The following CPEB2 variants were observed in gnomAD, a reference collection of about 807,000 sequenced individuals.
CPEB2 encodes cytoplasmic polyadenylation element-binding protein 2.
A neutral mutation model predicts 93.6 loss-of-function variants in CPEB2; 56 were observed. That is an observed-to-expected ratio of 0.60 (90% CI 0.48 to 0.75). The LOEUF (loss-of-function observed/expected upper bound fraction) is 0.75, where lower values mean the gene tolerates loss of function less well. Ranked by LOEUF, CPEB2 falls within the 30% of genes least tolerant of loss-of-function variation. CPEB2 has a pLI of 0.00. For synonymous variants in CPEB2, 764 were observed against 586.3 expected, an observed-to-expected ratio of 1.30 and a Z score of -4.38; for missense variants, 1,579 against 1,395.1, an observed-to-expected ratio of 1.13 and a Z score of -2.10.
chr4:15,008,703 ATCAG>A (rs544258210), intron 3 of CPEB2, among the ~76,000 whole-genome samples: 8 of 152,338 alleles, frequency 5.3e-5, no homozygotes, highest in African/African-American at 1.2e-4. Flanking sequence ...GACTTTAAAC[ATCAG>A]TCAAACTAAG....
chr4:15,057,133 A>G (rs1728785191), intron 8 of CPEB2, among the ~76,000 whole-genome samples: 1 of 152,082 alleles, frequency 6.6e-6, no homozygotes, highest in South Asian at 2.1e-4. Context: ...ATTTTGTATC[A>G]AAATTAAAGC....
At chr4:15,033,272 T>C in intron 5 of CPEB2, 61 bp downstream of exon 5, 1 of 1,058,696 alleles carries the variant, frequency 9.4e-7, no homozygotes, top group Non-Finnish European at 1.5e-6. Context: ...ATTTAATACA[T>C]GTTTCTCTGA....
intron 4 of CPEB2, among the ~76,000 whole-genome samples, chr4:15,023,819 T>G (rs185853676): frequency 6.6e-4 from 100 of 152,016 alleles, no homozygotes; most frequent in Middle Eastern, 6.8e-3. Context: ...TTCCTACATT[T>G]TAGGTGTTGT....
intron 4 of CPEB2, among the ~76,000 whole-genome samples, chr4:15,020,971 G>A (rs1724740074): frequency 2.0e-5 from 3 of 152,120 alleles, no homozygotes. Context: ...TGGAAAAATT[G>A]GGAGAAAGTG....
At position 15,003,034 on chromosome 4, in the gene CPEB2, C is replaced by T; in HGVS notation, c.361C>T (p.His121Tyr). Residue 121 changes from histidine (H) to tyrosine (Y), a missense_variant, in exon 1 of 12, where the codon CAC becomes TAC. His to Tyr is a moderately conservative substitution (Grantham distance 83). Around this residue, in one of 2 missense-constraint regions of CPEB2, gnomAD observed 1,411 missense variants for 1,056.0 expected, o/e 1.34. Transcript: ENST00000538197. ...GGCGGCCACGGAGAAACTCCCCGAC[C>T]ACCACCCCGGCGGCGGCACGATCGC... ...GAAATEKLPD[H>Y]HPGGGTIAGV... 1.3e-6 allele frequency: 2 copies of T among 1,506,236 alleles called. No homozygotes were observed. Among genetic ancestry groups the T allele is most frequent in the Admixed American group, 2.3e-5 (1 of 42,678 alleles). The allele number at this position is 1,506,236 out of a possible 1,614,324, so 93.3% of individuals were successfully genotyped here. A position where few individuals can be genotyped will look rare whatever the true frequency, so the allele number is the denominator to read the frequency against.
chr4:15,024,682 C>G (rs1458487012), intron 4 of CPEB2, among the ~76,000 whole-genome samples: 1 of 151,104 alleles, frequency 6.6e-6, no homozygotes, highest in African/African-American at 2.4e-5. Flanking sequence ...TCATTGGACC[C>G]TTTTAATTCA....
At position 15,003,829 on chromosome 4, in the gene CPEB2, C is replaced by T; in HGVS notation, c.1156C>T (p.Gln386Ter). Residue 386 changes from glutamine to a stop codon, truncating the protein, a stop_gained, in exon 1 of 12, where the codon CAG becomes TAG. Transcript: ENST00000538197. LOFTEE classifies it high-confidence loss of function. ...CGGCTTCGGCACCCCCTGGTCGGTGCAGACCGCGTCGCCGCCACCCCAGCC... is the reference window on the plus strand; with the variant it reads ...CGGCTTCGGCACCCCCTGGTCGGTGTAGACCGCGTCGCCGCCACCCCAGCC... The part of the protein sequence containing the change: ...LPGFGTPWSV[Q>*]TASPPPQPQQ... 1 of 941,020 alleles carries T rather than the reference C, an allele frequency of 1.1e-6. No individual in the cohort carries two copies. Among genetic ancestry groups the T allele is most frequent in the Non-Finnish European group, 1.4e-6 (1 of 719,788 alleles). 58.3% of individuals were successfully genotyped at this position (941,020 alleles called of 1,614,324 possible). A position where few individuals can be genotyped will look rare whatever the true frequency, so the allele number is the denominator to read the frequency against.
chr4:15,017,096 T>A (rs1377216065), intron 3 of CPEB2, 92 bp from the exon 4 acceptor site: 1 of 696,804 alleles, frequency 1.4e-6, no homozygotes, highest in Non-Finnish European at 2.5e-6. Context: ...TCAGAAGTCC[T>A]ATTTTATGTA....
At chr4:15,016,041 C>G (rs1724098303) in intron 3 of CPEB2, among the ~76,000 whole-genome samples, 1 of 152,026 alleles carries the variant, frequency 6.6e-6, no homozygotes, top group Admixed American at 6.6e-5. Context: ...CATATAATCT[C>G]AGAGACTTCT....
rs73226795 is a variant in CPEB2 at position 15,049,401 on chromosome 4, T to C, written c.2201-3013T>C. On this transcript the variant is annotated intron_variant, in intron 6 of 11. Coordinates refer to ENST00000538197, the MANE Select transcript of CPEB2 (RefSeq NM_001177382.2). ...TAGGGCATTTTAAAGTGAAAAACTT[T>C]CCAAAGTATTGTACATCTGAAATAA... Among the ~76,000 whole-genome samples the C allele has an allele frequency of 6.8e-3, 1,033 of 152,248 alleles. 7 individuals carry two copies. The highest frequency in any genetic ancestry group is 9.3e-3 in the Non-Finnish European group (630 of 67,974).
Position 15,028,900 on chromosome 4 carries a change from G to A in CPEB2, c.2126-4261G>A, listed in dbSNP as rs371818369. On this transcript the variant is annotated intron_variant, in intron 4 of 11. Coordinates refer to ENST00000538197, the MANE Select transcript of CPEB2 (RefSeq NM_001177382.2). ...AAGAAGTGATAAGTTTTATACAGTT[G>A]TCATATTTCTTAGTATTTTTAGTTG... Among the ~76,000 whole-genome samples the A allele has an allele frequency of 2.6e-3, 390 of 152,204 alleles. 2 individuals carry two copies. The highest frequency in any genetic ancestry group is 8.8e-3 in the African/African-American group (364 of 41,532).
rs752765129 is a variant in CPEB2 at position 15,007,386 on chromosome 4, G to A, written c.1744G>A (p.Gly582Ser). ...TGSMSWGAMHGRDHRRTGNMG... is the reference protein window; with the variant it reads ...TGSMSWGAMHSRDHRRTGNMG... ...AAGTATGTCCTGGGGAGCAATGCATGGCAGAGATCATCGTAGAACCGGAAA... is the reference window on the plus strand; with the variant it reads ...AAGTATGTCCTGGGGAGCAATGCATAGCAGAGATCATCGTAGAACCGGAAA... The change falls in exon 2 of 12, where the codon GGC (glycine) becomes AGC (serine). Residue 582 changes from glycine to serine, a missense_variant. Coordinates refer to ENST00000538197, the MANE Select transcript of CPEB2 (RefSeq NM_001177382.2). The A allele has an allele frequency of 6.2e-7, 1 of 1,613,604 alleles. No homozygotes were observed. Among genetic ancestry groups the A allele is most frequent in the Admixed American group, 1.7e-5 (1 of 59,972 alleles).
At chr4:15,007,039 TA>T (rs1317689437) in intron 1 of CPEB2, among the ~76,000 whole-genome samples, 5 of 152,214 alleles carry the variant, frequency 3.3e-5, no homozygotes, top group Non-Finnish European at 4.4e-5. Flanking sequence ...CTCTGAAGGA[TA>T]AAAAGGAACT....
Position 15,059,313 on chromosome 4 carries a change from G to A in CPEB2, c.2695+12G>A. ...GCCATTAAGGGCTGGTAAGTAGAAT[G>A]TTAACAATTTTGTTTAAAAAAATCA... is the stretch of plus-strand genomic sequence containing the variant. On this transcript the variant is annotated intron_variant, in intron 10 of 11. Coordinates refer to ENST00000538197, the MANE Select transcript of CPEB2 (RefSeq NM_001177382.2). The A allele has an allele frequency of 6.6e-7, 1 of 1,517,336 alleles. No individual in the cohort carries two copies. The highest frequency in any genetic ancestry group is 9.1e-7 in the Non-Finnish European group (1 of 1,099,536). 94.0% of individuals were successfully genotyped at this position (1,517,336 alleles called of 1,614,324 possible).
intron 3 of CPEB2, 55 bp from the exon 4 acceptor site, chr4:15,017,133 C>G (rs543355824): frequency 1.1e-6 from 1 of 943,654 alleles, no homozygotes. Flanking sequence ...GTTTTATAAT[C>G]GCTTTTTGAA....
chr4:15,052,732 T>A (rs1043172040), intron 7 of CPEB2, 148 bp downstream of exon 7: 36 of 452,690 alleles, frequency 8.0e-5, no homozygotes, highest in Non-Finnish European at 1.1e-4. Flanking sequence ...AAATACTTTA[T>A]CACCTGTTGA....
chr4:15,003,332 A>G lies in CPEB2; in HGVS notation c.659A>G (p.Gln220Arg). 7.1e-7 allele frequency: 1 copy of G among 1,404,212 alleles called. No homozygotes were observed. The highest frequency in any genetic ancestry group is 9.1e-7 in the Non-Finnish European group (1 of 1,093,190). The allele number at this position is 1,404,212 out of a possible 1,614,324, so 87.0% of individuals were successfully genotyped here. Reference protein sequence around the residue: ...PPPPPAGPLLQPAQLAQRQQQ... With the variant: ...PPPPPAGPLLRPAQLAQRQQQ... ...CCGCCGCCAGCCGGCCCGCTCCTCC[A>G]GCCGGCGCAGCTCGCTCAGCGCCAG... The change falls in exon 1 of 12, where the codon CAG becomes CGG. Residue 220 changes from glutamine (Q) to arginine (R), a missense_variant. Transcript: ENST00000538197.
chr4:15,003,354 CCAG>C lies in CPEB2; in HGVS notation c.687_689del (p.Gln231del), dbSNP rs1182843192. 1.4e-6 allele frequency: 2 copies of C among 1,389,338 alleles called. No homozygotes were observed. Among genetic ancestry groups the C allele is most frequent in the Non-Finnish European group, 1.8e-6 (2 of 1,084,714 alleles). 86.1% of individuals were successfully genotyped at this position (1,389,338 alleles called of 1,614,324 possible). A position where few individuals can be genotyped will look rare whatever the true frequency, so the allele number is the denominator to read the frequency against. On this transcript the variant is annotated inframe_deletion, in exon 1 of 12. Transcript: ENST00000538197. ...TCCAGCCGGCGCAGCTCGCTCAGCGCCAGCAGCAACAGCCGCCGCAGCAGTTCA... is the reference window on the plus strand; with the variant it reads ...TCCAGCCGGCGCAGCTCGCTCAGCGCCAGCAACAGCCGCCGCAGCAGTTCA...
intron 4 of CPEB2, among the ~76,000 whole-genome samples, chr4:15,027,095 ATATAT>A (rs1577402747): frequency 6.6e-6 from 1 of 152,148 alleles, no homozygotes; most frequent in Non-Finnish European, 1.5e-5. Context: ...GTATATGATA[ATATAT>A]TATCTTACTA....
Sources: gnomAD v4.1 joint callset for allele counts (sites outside exome capture counted in the v4.1 genomes callset) on GRCh38, gnomAD v4.1.1 for gene constraint, gnomAD v4.1.1 regional missense constraint, MANE v1.5 for transcripts, NCBI Gene and HGNC (gene_info 2026-07-23, HGNC 2026-07-21) for gene names.